ATXN2: variants seen among roughly 807,000 people sequenced by gnomAD.
The protein encoded by ATXN2 is ataxin-2.
A neutral mutation model predicts 138.6 loss-of-function variants in ATXN2; 37 were observed. That is an observed-to-expected ratio of 0.27 (90% CI 0.21 to 0.35). The LOEUF is 0.35. ATXN2 is among the 10% of genes least tolerant of loss of function. ATXN2 has a pLI of 1.00. For synonymous variants in ATXN2, 549 were observed against 543.7 expected, an observed-to-expected ratio of 1.01 and a Z score of -0.13; for missense variants, 1,216 against 1,480.3, an observed-to-expected ratio of 0.82 and a Z score of 2.93.
At chr12:111,585,846 T>C (rs1402767553) in intron 1 of ATXN2, among the ~76,000 whole-genome samples, 2 of 143,354 alleles carry the variant, frequency 1.4e-5, no homozygotes, top group Admixed American at 7.2e-5. Context: ...CAGAATGGTA[T>C]ACTTGTTGAG....
In ATXN2 at chr12:111,598,966, CTG is replaced by C. The variant is rs2135863350; in HGVS notation, c.67_68del (p.Gln23AlafsTer66). 1.3e-6 allele frequency: 2 copies of C among 1,503,028 alleles called. No individual in the cohort carries two copies. The highest frequency in any genetic ancestry group is 8.9e-7 in the Non-Finnish European group (1 of 1,129,098). The allele number at this position is 1,503,028 out of a possible 1,614,324, so 93.1% of individuals were successfully genotyped here. A position where few individuals can be genotyped will look rare whatever the true frequency, so the allele number is the denominator to read the frequency against. ...QQQQQQQQQQQQQQQQPPPAA... is the reference protein window; with the variant it reads ...QQQQQQQQQQXQQQQQPPPAA... ...CGGGCGGCGGCTGCTGCTGCTGCTGCTGCTGCTGCTGTTGCTGCTGCTGCTGC... is the reference window on the plus strand; with the variant it reads ...CGGGCGGCGGCTGCTGCTGCTGCTGCCTGCTGCTGTTGCTGCTGCTGCTGC... On this transcript the variant is annotated frameshift_variant, in exon 1 of 25. Coordinates refer to ENST00000673436, the MANE Select transcript of ATXN2 (RefSeq NM_001372574.1). LOFTEE classifies it high-confidence loss of function. The surrounding 1 kb of genome is among the most constrained non-coding windows in gnomAD (Gnocchi z 4.5).
At chr12:111,553,659 G>A (rs972466546) in intron 3 of ATXN2, among the ~76,000 whole-genome samples, 6 of 142,000 alleles carry the variant, frequency 4.2e-5, no homozygotes, top group African/African-American at 1.7e-4. Flanking sequence ...TGAGTGCAGG[G>A]GCATTATCTC....
At chr12:111,536,435 GAGAC>G (rs1353398057) in intron 5 of ATXN2, among the ~76,000 whole-genome samples, 3 of 152,038 alleles carry the variant, frequency 2.0e-5, no homozygotes, top group Non-Finnish European at 4.4e-5. Flanking sequence ...TATAATCAAA[GAGAC>G]AGACAATAAC....
At chr12:111,533,207 A>G (rs1880944320) in intron 5 of ATXN2, among the ~76,000 whole-genome samples, 1 of 152,210 alleles carries the variant, frequency 6.6e-6, no homozygotes, top group African/African-American at 2.4e-5. Context: ...TTTCCTAAAG[A>G]ATAGTGTTCT....
chr12:111,508,778 T>A (rs1026402194), intron 14 of ATXN2, among the ~76,000 whole-genome samples: 16 of 152,168 alleles, frequency 1.1e-4, no homozygotes, highest in Non-Finnish European at 1.6e-4. Context: ...CAACTGTTAA[T>A]AGCATTAAAG....
intron 5 of ATXN2, among the ~76,000 whole-genome samples, chr12:111,546,069 TATG>T (rs1881785040): frequency 6.6e-6 from 1 of 152,204 alleles, no homozygotes; most frequent in African/African-American, 2.4e-5. Flanking sequence ...CTTCCCCTTT[TATG>T]ATTTTTCACT....
intron 21 of ATXN2, among the ~76,000 whole-genome samples, chr12:111,462,836 T>C (rs147963174): frequency 6.6e-6 from 1 of 152,276 alleles, no homozygotes; most frequent in East Asian, 1.9e-4. Flanking sequence ...TTTTACACAC[T>C]ACAATCACAG....
chr12:111,498,340 AAACCTATTAG>A (rs1411390370), intron 14 of ATXN2, among the ~76,000 whole-genome samples: 3 of 152,222 alleles, frequency 2.0e-5, no homozygotes, highest in African/African-American at 7.2e-5. Context: ...CAAAAAAGAA[AAACCTATTAG>A]AACTGACAAA....
intron 21 of ATXN2, among the ~76,000 whole-genome samples, chr12:111,460,529 T>A (rs1004420991): frequency 6.6e-6 from 1 of 152,110 alleles, no homozygotes; most frequent in Admixed American, 6.5e-5. Context: ...AAATCCCAAA[T>A]TCTGTTCATG....
At chr12:111,514,915 CAT>C (rs1879769442) in intron 10 of ATXN2, among the ~76,000 whole-genome samples, 1 of 152,172 alleles carries the variant, frequency 6.6e-6, no homozygotes, top group Admixed American at 6.5e-5. Context: ...GAAGTTAATA[CAT>C]GAGCAGTCCT....
intron 5 of ATXN2, among the ~76,000 whole-genome samples, chr12:111,549,263 A>AT (rs1881996530): frequency 6.6e-6 from 1 of 152,168 alleles, no homozygotes; most frequent in African/African-American, 2.4e-5. Context: ...TAAGTCTCTA[A>AT]TAAAAAATAA....
At chr12:111,561,821 G>GT (rs556366627) in intron 1 of ATXN2, among the ~76,000 whole-genome samples, 326 of 151,346 alleles carry the variant, frequency 2.2e-3, no homozygotes, top group Non-Finnish European at 2.8e-3. Flanking sequence ...CCGTCTTTCT[G>GT]TTTTTTTTGA....
intron 1 of ATXN2, among the ~76,000 whole-genome samples, chr12:111,566,448 G>GAAA (rs112642968): frequency 5.5e-4 from 71 of 130,174 alleles, no homozygotes; most frequent in Admixed American, 1.2e-3. Flanking sequence ...CAAAAAAAAA[G>GAAA]AAAAAAAAAA....
At chr12:111,599,441 C>T (rs1885155750), upstream of ATXN2, 12 of 1,194,964 alleles carry the variant, frequency 1.0e-5, no homozygotes, top group Non-Finnish European at 1.2e-5. Context: ...CCACCCGGGC[C>T]ACCTGGCTGC....
rs1239294984 is a variant in ATXN2 at position 111,552,791 on chromosome 12, C to G, written c.420+115G>C. The G allele has an allele frequency of 1.5e-6, 1 of 668,180 alleles. No individual in the cohort carries two copies. Among genetic ancestry groups the G allele is most frequent in the African/African-American group, 1.9e-5 (1 of 52,160 alleles). 41.4% of individuals were successfully genotyped at this position (668,180 alleles called of 1,614,324 possible). On this transcript the variant is annotated intron_variant, in intron 4 of 24. Transcript: ENST00000673436. This position sits in a 1 kb window ranked among gnomAD's most constrained non-coding sequence, Gnocchi z 4.1. The stretch of plus-strand genomic sequence containing the variant: ...TACACAAACCAGTCTATAAAATAAT[C>G]AGTATTTGAAACTGAGAAGTAAAAT...
rs778382731 is a variant in ATXN2 at position 111,452,807 on chromosome 12, C to A, written c.*5G>T. Reference sequence around the variant, plus strand: ...ATTTGGCCTTTCGGTTCCTCCAGGGCAGCCTTACAACTGCTGTTGGTGGTG... The same window carrying A: ...ATTTGGCCTTTCGGTTCCTCCAGGGAAGCCTTACAACTGCTGTTGGTGGTG... On this transcript the variant is annotated 3_prime_UTR_variant, in exon 25 of 25. Coordinates refer to ENST00000673436, the MANE Select transcript of ATXN2 (RefSeq NM_001372574.1). The A allele has an allele frequency of 4.3e-6, 7 of 1,613,856 alleles. No homozygotes were observed. The East Asian group carries it at 1.3e-4, about 31-fold the overall frequency.
In ATXN2 at chr12:111,488,358, A is replaced by T. The variant is rs118138208; in HGVS notation, c.2240+118T>A. The T allele has an allele frequency of 2.8e-3, 2,876 of 1,027,052 alleles. 11 individuals carry two copies. Among genetic ancestry groups the T allele is most frequent in the Non-Finnish European group, 3.7e-3 (2,628 of 718,682 alleles). 63.6% of individuals were successfully genotyped at this position (1,027,052 alleles called of 1,614,324 possible). Reference sequence around the variant, plus strand: ...ACTAGCTGTTTGTAAACTAAGGGCAATGTATAAAGTAGTCTAAAAGTCCAG... The same window carrying T: ...ACTAGCTGTTTGTAAACTAAGGGCATTGTATAAAGTAGTCTAAAAGTCCAG... On this transcript the variant is annotated intron_variant, in intron 15 of 24. Transcript: ENST00000673436.
intron 14 of ATXN2, among the ~76,000 whole-genome samples, chr12:111,502,373 ACT>A (rs1878829753): frequency 6.6e-6 from 1 of 152,098 alleles, no homozygotes; most frequent in African/African-American, 2.4e-5. Flanking sequence ...GGAATATAGC[ACT>A]CTGCTGTATT....
intron 1 of ATXN2, among the ~76,000 whole-genome samples, chr12:111,571,571 G>A (rs996807142): frequency 1.3e-5 from 2 of 152,146 alleles, no homozygotes; most frequent in Non-Finnish European, 2.9e-5. Context: ...AAGCAGTGAG[G>A]AAGGAGACCA....
Sources: allele counts gnomAD v4.1 joint callset (sites outside exome capture counted in the v4.1 genomes callset), GRCh38; gene constraint gnomAD v4.1.1; non-coding constraint Gnocchi (gnomAD v3.1); transcripts MANE v1.5; gene names NCBI Gene and HGNC (gene_info 2026-07-23, HGNC 2026-07-21).